CDH13: variants seen among roughly 807,000 people sequenced by gnomAD.
CDH13 encodes cadherin-13.
CDH13 carries 24 observed loss-of-function variants against 63.8 expected under a neutral mutation model. The observed-to-expected ratio is 0.38, with a 90% CI of 0.27 to 0.53. The LOEUF (loss-of-function observed/expected upper bound fraction) is 0.53. Among genes scored for constraint, CDH13 ranks in the 20% least tolerant of loss-of-function variants. CDH13 has a pLI of 0.85. For missense variants in CDH13, 1,049 were observed against 903.1 expected, an observed-to-expected ratio of 1.16 and a Z score of -2.07; for synonymous variants, 503 against 355.3, an observed-to-expected ratio of 1.42 and a Z score of -4.67.
chr16:82,964,865 G>A (rs1301639148), intron 2 of CDH13, among the ~76,000 whole-genome samples: 1 of 152,170 alleles, frequency 6.6e-6, no homozygotes, highest in Non-Finnish European at 1.5e-5. Context: ...TCCTGGTTAG[G>A]ACATGGTGGC....
At chr16:83,527,489 A>G (rs1336428276) in intron 7 of CDH13, among the ~76,000 whole-genome samples, 1 of 152,182 alleles carries the variant, frequency 6.6e-6, no homozygotes, top group South Asian at 2.1e-4. Flanking sequence ...GAATTCAGAT[A>G]CAAAAAGAGT....
intron 5 of CDH13, among the ~76,000 whole-genome samples, chr16:83,269,115 T>G (rs1438983199): frequency 6.6e-6 from 1 of 152,206 alleles, no homozygotes; most frequent in Non-Finnish European, 1.5e-5. Context: ...AGAACCTCCT[T>G]TTCTATTACA....
At chr16:83,096,397 C>T (rs1241310217) in intron 3 of CDH13, among the ~76,000 whole-genome samples, 1 of 152,166 alleles carries the variant, frequency 6.6e-6, no homozygotes, top group Non-Finnish European at 1.5e-5. Context: ...TCCCCTGTTC[C>T]TGGGAAAGTT....
At chr16:82,862,458 C>G (rs113143080) in intron 2 of CDH13, among the ~76,000 whole-genome samples, 6 of 152,312 alleles carry the variant, frequency 3.9e-5, no homozygotes, top group Non-Finnish European at 7.4e-5. Context: ...TAGGAGAAAC[C>G]ATACCCTTGA....
At chr16:82,686,290 G>A (rs946984951) in intron 1 of CDH13, among the ~76,000 whole-genome samples, 1 of 152,150 alleles carries the variant, frequency 6.6e-6, no homozygotes, top group African/African-American at 2.4e-5. Context: ...CCTTAGCAGT[G>A]GTAGATCTTT....
At chr16:83,793,012 TG>T (rs1916374730) in intron 13 of CDH13, among the ~76,000 whole-genome samples, 2 of 152,278 alleles carry the variant, frequency 1.3e-5, no homozygotes. Flanking sequence ...CACTTTTGGA[TG>T]GAGGCAGGAC....
intron 11 of CDH13, among the ~76,000 whole-genome samples, chr16:83,751,280 G>A (rs1188980393): frequency 6.6e-6 from 1 of 152,092 alleles, no homozygotes; most frequent in Admixed American, 6.6e-5. Context: ...TCACTCACTT[G>A]CCTCCAGAAT....
rs147498695 is a variant in CDH13 at position 83,467,112 on chromosome 16, A to G, written c.782-19365A>G. On this transcript the variant is annotated intron_variant, in intron 6 of 13. Coordinates refer to ENST00000567109, the MANE Select transcript of CDH13 (RefSeq NM_001257.5). ...TTACTTCTCGATACAAGAAAGCAATATAAGCCATAATGGCTGACATTCCAG... is the reference window on the plus strand; with the variant it reads ...TTACTTCTCGATACAAGAAAGCAATGTAAGCCATAATGGCTGACATTCCAG... Among the ~76,000 whole-genome samples the G allele has an allele frequency of 1.3e-3, 201 of 152,316 alleles. 1 individual carries two copies. The highest frequency in any genetic ancestry group is 0.01 in the Middle Eastern group (3 of 294).
intron 3 of CDH13, among the ~76,000 whole-genome samples, chr16:83,079,343 C>T (rs1220758295): frequency 1.6e-4 from 25 of 152,026 alleles, no homozygotes; most frequent in Non-Finnish European, 1.5e-4. Context: ...TCTTATTGTT[C>T]TCTGTTATGA....
intron 1 of CDH13, among the ~76,000 whole-genome samples, chr16:82,846,683 A>T (rs561092271): frequency 1.1e-3 from 163 of 152,182 alleles, no homozygotes; most frequent in Non-Finnish European, 1.6e-3. Context: ...TTATATGTCC[A>T]TGTGTCTGTC....
intron 3 of CDH13, among the ~76,000 whole-genome samples, chr16:83,107,807 TCTTTTCTTTTCCTTTTG>T (rs2034848521): frequency 6.6e-6 from 1 of 151,968 alleles, no homozygotes; most frequent in Non-Finnish European, 1.5e-5. Context: ...TTTTCTTTTT[TCTTTTCTTTTCCTTTTG>T]CTTTTCTTTT....
In CDH13 at chr16:83,384,280, T is replaced by C. The variant is rs765564433; in HGVS notation, c.781+39274T>C. Among the ~76,000 whole-genome samples, 3 of 152,154 alleles carry C rather than the reference T, an allele frequency of 2.0e-5. No individual in the cohort carries two copies. The South Asian group carries it at 6.2e-4, about 32-fold the overall frequency. ...CATGATGTAACCAGCCTCTCAACCA[T>C]GCCAGCCATCTCTGCTGACTGCCAC... On this transcript the variant is annotated intron_variant, in intron 6 of 13. Coordinates refer to ENST00000567109, the MANE Select transcript of CDH13 (RefSeq NM_001257.5).
intron 1 of CDH13, among the ~76,000 whole-genome samples, chr16:82,780,090 A>G (rs530368904): frequency 4.8e-4 from 73 of 152,298 alleles, no homozygotes; most frequent in Non-Finnish European, 8.5e-4. Context: ...TGTGACTTAA[A>G]TCAAGCAACG....
Position 83,688,664 on chromosome 16 carries a change from C to T in CDH13, c.1538+10203C>T, listed in dbSNP as rs149732489. ...TTTTTCTTTTTTAAGTCAACAAACA[C>T]AGAGTTTGAAATGTAAATGGATTGT... On this transcript the variant is annotated intron_variant, in intron 10 of 13. Coordinates refer to ENST00000567109, the MANE Select transcript of CDH13 (RefSeq NM_001257.5). Among the ~76,000 whole-genome samples the T allele has an allele frequency of 5.9e-5, 9 of 152,158 alleles. No individual in the cohort carries two copies. The South Asian group carries it at 1.9e-3, about 32-fold the overall frequency.
intron 8 of CDH13, among the ~76,000 whole-genome samples, chr16:83,609,347 A>G (rs568209877): frequency 6.6e-6 from 1 of 152,314 alleles, no homozygotes; most frequent in South Asian, 2.1e-4. Flanking sequence ...GCAACCCAGA[A>G]CTATGCAATT....
chr16:82,943,523 G>T (rs1187460691), intron 2 of CDH13, among the ~76,000 whole-genome samples: 2 of 152,306 alleles, frequency 1.3e-5, no homozygotes, highest in Non-Finnish European at 2.9e-5. Context: ...TCCTTTCTGG[G>T]TGAAATAGGC....
At chr16:82,859,494 G>A (rs557137544) in intron 2 of CDH13, 2 of 152,222 alleles carry the variant, frequency 1.3e-5, no homozygotes, top group South Asian at 2.1e-4. Flanking sequence ...GGAGGTGGAG[G>A]CTGCAGTGAG....
At chr16:82,899,605 G>A (rs966183421) in intron 2 of CDH13, among the ~76,000 whole-genome samples, 1 of 152,160 alleles carries the variant, frequency 6.6e-6, no homozygotes, top group African/African-American at 2.4e-5. Context: ...GTGCCTGTGT[G>A]TGTGTGTGTG....
At chr16:82,628,056 C>G (rs1296815341) in intron 1 of CDH13, among the ~76,000 whole-genome samples, 1 of 152,230 alleles carries the variant, frequency 6.6e-6, no homozygotes, top group Non-Finnish European at 1.5e-5. Flanking sequence ...CTCTGCACCT[C>G]AGAGATTTCG....
Sources: allele counts gnomAD v4.1 joint callset (sites outside exome capture counted in the v4.1 genomes callset), GRCh38; gene constraint gnomAD v4.1.1; transcripts MANE v1.5; gene names NCBI Gene and HGNC (gene_info 2026-07-23, HGNC 2026-07-21).